The following RHAG variants were observed in gnomAD, a reference collection of about 807,000 sequenced individuals.
RHAG encodes the protein ammonium transporter Rh type A.
RHAG carries 25 observed loss-of-function variants against 42.4 expected under a neutral mutation model. The observed-to-expected ratio is 0.59, with a 90% confidence interval of 0.43 to 0.82. The LOEUF (loss-of-function observed/expected upper bound fraction) is 0.82, where lower values mean the gene tolerates loss of function less well. Ranked by LOEUF, RHAG falls within the 40% of genes least tolerant of loss-of-function variation. The pLI, the probability that RHAG is intolerant of heterozygous loss-of-function variation, is 0.00. For synonymous variants in RHAG, 182 were observed against 177.7 expected (o/e 1.02, Z -0.19); for missense variants, 483 against 504.6 (o/e 0.96, Z 0.41).
intron 6 of RHAG, among the ~76,000 whole-genome samples, chr6:49,611,448 A>G (rs1488421836): frequency 1.3e-5 from 2 of 152,158 alleles, no homozygotes; most frequent in Non-Finnish European, 2.9e-5. Context: ...GATATATAGT[A>G]CAATTTTACT....
At chr6:49,630,211 C>T (rs1390949955) in intron 1 of RHAG, among the ~76,000 whole-genome samples, 1 of 152,240 alleles carries the variant, frequency 6.6e-6, no homozygotes, top group African/African-American at 2.4e-5. Context: ...GCATATCCCT[C>T]TTGTTTTATT....
At position 49,605,433 on chromosome 6, in the gene RHAG, G is replaced by A; in HGVS notation, c.*380C>T. The A allele has an allele frequency of 7.6e-6, 2 of 263,250 alleles. No homozygotes were observed. Among genetic ancestry groups the A allele is most frequent in the Non-Finnish European group, 7.4e-6 (1 of 135,026 alleles). The allele number at this position is 263,250 out of a possible 1,614,324, so 16.3% of individuals were successfully genotyped here. A position where few individuals can be genotyped will look rare whatever the true frequency, so the allele number is the denominator to read the frequency against. On this transcript the variant is annotated 3_prime_UTR_variant, in exon 10 of 10. Coordinates refer to ENST00000371175, the MANE Select transcript of RHAG (RefSeq NM_000324.3). ...TCTCACATCTATTCTTGCTTCATGG[G>A]TTTCAGTTTTATAATTTTTGGGATT...
rs200906972 is a variant in RHAG, at chr6:49,605,812, G to C, written c.*1C>G. ...CCATGTCCATGGAACTGATTGTCAAGTTATCTCGTCTTAGGGACCTTTAAA... is the reference window on the plus strand; with the variant it reads ...CCATGTCCATGGAACTGATTGTCAACTTATCTCGTCTTAGGGACCTTTAAA... On this transcript the variant is annotated 3_prime_UTR_variant, in exon 10 of 10. Coordinates refer to ENST00000371175, the MANE Select transcript of RHAG (RefSeq NM_000324.3). The C allele has an allele frequency of 1.2e-6, 2 of 1,613,104 alleles. No individual in the cohort carries two copies. The highest frequency in any genetic ancestry group is 2.7e-5 in the African/African-American group (2 of 75,006).
At position 49,615,762 on chromosome 6, in the gene RHAG, T is replaced by C. The variant is rs1261908597; in HGVS notation, c.502A>G (p.Ile168Val). Residue 168 changes from isoleucine (I) to valine (V), a missense_variant, in exon 4 of 10, where the codon ATT becomes GTT. Ile to Val is a conservative substitution (Grantham distance 29). Coordinates refer to ENST00000371175, the MANE Select transcript of RHAG (RefSeq NM_000324.3). ...LVSEIFKASDIGASMTIHAFG... is the reference protein window; with the variant it reads ...LVSEIFKASDVGASMTIHAFG... ...GCATGGATCGTCATTGATGCTCCAA[T>C]GTCAGAGGCCTGAGGGACAAAATAG... is the stretch of plus-strand genomic sequence containing the variant. The C allele has an allele frequency of 1.9e-6, 3 of 1,614,072 alleles. No homozygotes were observed. The highest frequency in any genetic ancestry group is 4.5e-5 in the East Asian group (2 of 44,872).
chr6:49,613,857 A>T (rs754798476), intron 5 of RHAG, among the ~76,000 whole-genome samples: 8 of 152,240 alleles, frequency 5.3e-5, no homozygotes, highest in African/African-American at 1.9e-4. Context: ...TTGATAAAAT[A>T]CTATTAAAGA....
At position 49,619,284 on chromosome 6, in the gene RHAG, C is replaced by T. The variant is rs121918586; in HGVS notation, c.236G>A (p.Ser79Asn). The T allele has an allele frequency of 3.1e-6, 5 of 1,614,134 alleles. No individual in the cohort carries two copies. The highest frequency in any genetic ancestry group is 4.2e-6 in the Non-Finnish European group (5 of 1,179,994). The change falls in exon 2 of 10, where the codon AGT (serine) becomes AAT (asparagine). Residue 79 changes from serine to asparagine, a missense_variant. By Grantham distance (46) the Ser-to-Asn change is conservative (BLOSUM62 1). Transcript: ENST00000371175. ...MTFLKKYGFS[S>N]VGINLLVAAL... ...AGCAACGAGTAGGTTGATACCCACA[C>T]TGCTGAAGCCATATTTCTTCAGGAA... is the stretch of plus-strand genomic sequence containing the variant.
chr6:49,634,078 T>C (rs1762971509), intron 1 of RHAG, among the ~76,000 whole-genome samples: 1 of 152,212 alleles, frequency 6.6e-6, no homozygotes, highest in African/African-American at 2.4e-5. Context: ...GCAAATCATG[T>C]TATTCAGGAT....
At position 49,615,616 on chromosome 6, in the gene RHAG, A is replaced by G. The variant is rs781066223; in HGVS notation, c.640+8T>C. 10 of 1,613,866 alleles carry G rather than the reference A, an allele frequency of 6.2e-6. No individual in the cohort carries two copies. The highest frequency in any genetic ancestry group is 7.6e-6 in the Non-Finnish European group (9 of 1,179,920). Reference sequence around the variant, plus strand: ...AGATAAGATTCAAGCAAGTTTATCCACACTCACCAATCATTGCAAACAAGT... The same window carrying G: ...AGATAAGATTCAAGCAAGTTTATCCGCACTCACCAATCATTGCAAACAAGT... On this transcript the variant is annotated splice_region_variant and intron_variant, in intron 4 of 9. Coordinates refer to ENST00000371175, the MANE Select transcript of RHAG (RefSeq NM_000324.3).
At chr6:49,621,243 T>G (rs1379938881) in intron 1 of RHAG, among the ~76,000 whole-genome samples, 1 of 152,150 alleles carries the variant, frequency 6.6e-6, no homozygotes, top group Non-Finnish European at 1.5e-5. Context: ...ATTCCTCTCA[T>G]TTTCCCTGGC....
At chr6:49,630,320 G>A (rs560871032) in intron 1 of RHAG, among the ~76,000 whole-genome samples, 3 of 152,342 alleles carry the variant, frequency 2.0e-5, no homozygotes, top group Admixed American at 2.0e-4. Context: ...GCAGGAGAAA[G>A]TGAATGCAAG....
Position 49,619,162 on chromosome 6 carries a change from A to G in RHAG, c.341+17T>C. ...TCTGGAGGATGCAAACATTCAGCCC[A>G]CAGTAAGGATGCTCACTTTTTGATT... On this transcript the variant is annotated intron_variant, in intron 2 of 9. Transcript: ENST00000371175. The G allele has an allele frequency of 1.9e-6, 3 of 1,613,460 alleles. No individual in the cohort carries two copies. The highest frequency in any genetic ancestry group is 2.5e-6 in the Non-Finnish European group (3 of 1,179,406).
chr6:49,628,647 T>C (rs1245672744), intron 1 of RHAG, among the ~76,000 whole-genome samples: 2 of 150,834 alleles, frequency 1.3e-5, no homozygotes, highest in Non-Finnish European at 3.0e-5. Context: ...GTGGCGCGTC[T>C]GGAGTTGTTC....
At position 49,632,402 on chromosome 6, in the gene RHAG, A is replaced by G. The variant is rs767752685; in HGVS notation, c.157+4254T>C. Among the ~76,000 whole-genome samples, 26 of 152,220 alleles carry G rather than the reference A, an allele frequency of 1.7e-4. 1 individual carries two copies. Among genetic ancestry groups the G allele is most frequent in the African/African-American group, 4.8e-5 (2 of 41,468 alleles). ...TCAATTTAAAGAACTGACAGTATTT[A>G]TAGCTATGATATATTCTCAGTTTTT... On this transcript the variant is annotated intron_variant, in intron 1 of 9. Coordinates refer to ENST00000371175, the MANE Select transcript of RHAG (RefSeq NM_000324.3).
intron 6 of RHAG, among the ~76,000 whole-genome samples, chr6:49,611,916 AT>A (rs368093436): frequency 0.044 from 6,379 of 143,718 alleles, 176 homozygotes; most frequent in South Asian, 0.11. Context: ...TAATTTTTGT[AT>A]TTTTTTTTTT....
At position 49,607,719 on chromosome 6, in the gene RHAG, A is replaced by G. The variant is rs562583272; in HGVS notation, c.1068-499T>C. Among the ~76,000 whole-genome samples, 18 of 152,286 alleles carry G rather than the reference A, an allele frequency of 1.2e-4. No homozygotes were observed. The South Asian group carries it at 3.7e-3, about 32-fold the overall frequency. ...CCTTAAACTGAAATTAGTAAAAAAT[A>G]CTTTGTAATTTTGAGAATGAAAGAA... is the stretch of plus-strand genomic sequence containing the variant. On this transcript the variant is annotated intron_variant, in intron 7 of 9. Transcript: ENST00000371175.
chr6:49,606,754 A>G (rs1762475050), intron 9 of RHAG, 94 bp downstream of exon 9: 1 of 875,766 alleles, frequency 1.1e-6, no homozygotes, highest in African/African-American at 1.7e-5. Context: ...CAATTTCATC[A>G]CACCTATGCA....
intron 4 of RHAG, 70 bp from the exon 5 acceptor site, chr6:49,614,923 T>A: frequency 3.1e-6 from 4 of 1,296,888 alleles, no homozygotes; most frequent in Non-Finnish European, 4.4e-6. Context: ...CAGTTTGCTT[T>A]ATTTATTTAT....
At chr6:49,625,452 G>A (rs969976999) in intron 1 of RHAG, among the ~76,000 whole-genome samples, 4 of 152,122 alleles carry the variant, frequency 2.6e-5, no homozygotes, top group Non-Finnish European at 4.4e-5. Context: ...ATAAATACAC[G>A]ATAAGTTCAC....
intron 1 of RHAG, among the ~76,000 whole-genome samples, chr6:49,619,722 CAG>C (rs1762721851): frequency 6.6e-6 from 1 of 152,194 alleles, no homozygotes. Flanking sequence ...TCTCAGGAAA[CAG>C]AATTATTTTC....
Sources: gnomAD v4.1 joint callset for allele counts (sites outside exome capture counted in the v4.1 genomes callset) on GRCh38, gnomAD v4.1.1 for gene constraint, MANE v1.5 for transcripts, NCBI Gene and HGNC (gene_info 2026-07-23, HGNC 2026-07-21) for gene names.